KAZN: variants seen among roughly 807,000 people sequenced by gnomAD.
KAZN encodes kazrin, periplakin interacting protein.
In KAZN, 40 loss-of-function variants were observed where a neutral mutation model predicts 87.4. That is an observed-to-expected ratio of 0.46 (90% CI 0.36 to 0.60). The LOEUF is 0.60. Among genes scored for constraint, KAZN ranks in the 20% least tolerant of loss-of-function variants. The pLI, the probability that KAZN is intolerant of heterozygous loss-of-function variation, is 0.00. For missense variants in KAZN, 898 were observed against 1,073.9 expected (o/e 0.84, Z 2.29); for synonymous variants, 466 against 458.3 (o/e 1.02, Z -0.22).
At chr1:15,035,622 T>C (rs984063332) in intron 3 of KAZN, among the ~76,000 whole-genome samples, 1 of 152,122 alleles carries the variant, frequency 6.6e-6, no homozygotes, top group Non-Finnish European at 1.5e-5. Context: ...CCCAGGTGGG[T>C]GGAATGCTTG....
chr1:15,103,258 C>A (rs1641148003), intron 11 of KAZN, 101 bp from the exon 12 acceptor site: 2 of 825,720 alleles, frequency 2.4e-6, no homozygotes, highest in African/African-American at 1.7e-5. Flanking sequence ...CAGAGAGAGA[C>A]TCTGTCTCGG....
intron 2 of KAZN, among the ~76,000 whole-genome samples, chr1:14,234,673 G>A (rs898631338): frequency 2.0e-5 from 3 of 152,180 alleles, no homozygotes; most frequent in Admixed American, 2.0e-4. Flanking sequence ...TGAAGTGGGT[G>A]GAGCATGGGT....
chr1:14,837,193 C>A (rs1647346708), intron 1 of KAZN, among the ~76,000 whole-genome samples: 1 of 152,140 alleles, frequency 6.6e-6, no homozygotes, highest in Admixed American at 6.5e-5. Flanking sequence ...TACATCCCTG[C>A]TGTTGTTGTT....
chr1:14,587,604 G>C (rs1472068599), intron 2 of KAZN, among the ~76,000 whole-genome samples: 1 of 151,910 alleles, frequency 6.6e-6, no homozygotes, highest in Non-Finnish European at 1.5e-5. Context: ...GTGAGAGTGG[G>C]GGGCGGGTGA....
At chr1:14,746,604 G>A (rs1644267753) in intron 1 of KAZN, among the ~76,000 whole-genome samples, 1 of 152,114 alleles carries the variant, frequency 6.6e-6, no homozygotes, top group South Asian at 2.1e-4. Context: ...GACAAGCAGA[G>A]GGGAGGCATT....
chr1:14,803,269 G>C (rs866584143), intron 1 of KAZN, among the ~76,000 whole-genome samples: 6 of 152,188 alleles, frequency 3.9e-5, no homozygotes, highest in Non-Finnish European at 7.4e-5. Context: ...AGGTACCCAG[G>C]TGGGGATTAG....
Position 13,913,486 on chromosome 1 carries a change from G to A in KAZN, c.91+19730G>A, listed in dbSNP as rs147013550. ...GCCTCTGCCAACATGAAAGGGCTTG[G>A]CTGGATGGTGGGAGAGTTTGGGGCC... On this transcript the variant is annotated intron_variant, in intron 1 of 16. Coordinates refer to the KAZN transcript ENST00000636203. Among the ~76,000 whole-genome samples the A allele has an allele frequency of 1.1e-3, 175 of 152,306 alleles. 2 individuals carry two copies. In the East Asian group the frequency reaches 0.027, roughly 23 times the overall value.
At chr1:15,047,273 C>T (rs995265232) in intron 4 of KAZN, among the ~76,000 whole-genome samples, 16 of 152,322 alleles carry the variant, frequency 1.1e-4, no homozygotes, top group African/African-American at 3.9e-4. Flanking sequence ...CCTAAAGTTT[C>T]ACCGCCAGGC....
intron 1 of KAZN, among the ~76,000 whole-genome samples, chr1:14,090,518 T>C (rs34537457): frequency 0.38 from 57,545 of 151,974 alleles, 11,351 homozygotes; most frequent in East Asian, 0.68. Context: ...CCAATGTTTC[T>C]CTCTGCCTTT....
intron 1 of KAZN, among the ~76,000 whole-genome samples, chr1:14,678,843 G>T (rs527621875): frequency 6.6e-6 from 1 of 152,220 alleles, no homozygotes; most frequent in East Asian, 1.9e-4. Flanking sequence ...AATATATCCC[G>T]TATGTAATAG....
intron 1 of KAZN, among the ~76,000 whole-genome samples, chr1:14,779,847 C>T (rs1645281325): frequency 6.6e-6 from 1 of 152,204 alleles, no homozygotes; most frequent in African/African-American, 2.4e-5. Context: ...GTAAACAAGA[C>T]ACAAAAAGTT....
rs1557509333 is a variant in KAZN at position 14,141,249 on chromosome 1, AAAAAC to A, written c.92-39180_92-39176del. Among the ~76,000 whole-genome samples the A allele has an allele frequency of 5.9e-5, 9 of 151,452 alleles. No homozygotes were observed. In the South Asian group the frequency reaches 1.9e-3, roughly 32 times the overall value. On this transcript the variant is annotated intron_variant, in intron 1 of 16. Transcript: ENST00000636203. ...GTGATTACCATTTAAAAAAAAAAAAAAAAACAAAACTAAAAATAGCTGCTTGGAGA... is the reference window on the plus strand; with the variant it reads ...GTGATTACCATTTAAAAAAAAAAAAAAAAACTAAAAATAGCTGCTTGGAGA...
chr1:14,390,073 A>G (rs1287458029), intron 2 of KAZN, among the ~76,000 whole-genome samples: 1 of 151,464 alleles, frequency 6.6e-6, no homozygotes, highest in African/African-American at 2.4e-5. Flanking sequence ...GAATGTGAGA[A>G]ATAAATAAAT....
At chr1:14,419,667 T>C (rs1209392368) in intron 2 of KAZN, among the ~76,000 whole-genome samples, 1 of 152,230 alleles carries the variant, frequency 6.6e-6, no homozygotes, top group Non-Finnish European at 1.5e-5. Context: ...TCAGAGTTCC[T>C]TCCTTCTGGT....
intron 1 of KAZN, among the ~76,000 whole-genome samples, chr1:14,165,271 G>A (rs1645801700): frequency 6.6e-6 from 1 of 151,686 alleles, no homozygotes; most frequent in Admixed American, 6.6e-5. Context: ...GTCAGATATG[G>A]GGCAGCAGGC....
intron 2 of KAZN, among the ~76,000 whole-genome samples, chr1:14,285,952 G>T (rs1653213449): frequency 6.6e-6 from 1 of 152,164 alleles, no homozygotes; most frequent in South Asian, 2.1e-4. Flanking sequence ...AGATGGTTAA[G>T]ACTAAAGACG....
chr1:14,378,711 G>C (rs7522123), intron 2 of KAZN, among the ~76,000 whole-genome samples: 1 of 152,144 alleles, frequency 6.6e-6, no homozygotes, highest in Non-Finnish European at 1.5e-5. Context: ...CCTAGCCAGA[G>C]GGGGATATTC....
intron 2 of KAZN, among the ~76,000 whole-genome samples, chr1:14,194,038 C>T (rs1390898994): frequency 6.6e-6 from 1 of 152,090 alleles, no homozygotes; most frequent in Admixed American, 6.5e-5. Flanking sequence ...TCATTACTGC[C>T]TCCACTCTGT....
At chr1:14,537,516 C>T (rs997056639) in intron 2 of KAZN, among the ~76,000 whole-genome samples, 1 of 152,246 alleles carries the variant, frequency 6.6e-6, no homozygotes, top group African/African-American at 2.4e-5. Flanking sequence ...CAGCTGTTTC[C>T]TAACCCATCA....
Sources: allele counts gnomAD v4.1 joint callset (sites outside exome capture counted in the v4.1 genomes callset), GRCh38; gene constraint gnomAD v4.1.1; transcripts MANE v1.5; gene names NCBI Gene and HGNC (gene_info 2026-07-23, HGNC 2026-07-21).